Variants in DYNC1I2 observed in about 807,000 individuals in gnomAD.
DYNC1I2 encodes cytoplasmic dynein 1 intermediate chain 2.
Under a neutral mutation model 88.6 loss-of-function variants are expected in DYNC1I2, and 53 were observed. That is an observed-to-expected ratio of 0.60 (90% CI 0.48 to 0.75). The LOEUF is 0.75. DYNC1I2 is among the 30% of genes least tolerant of loss of function. The pLI, the probability that DYNC1I2 is intolerant of heterozygous loss-of-function variation, is 0.00. For missense variants in DYNC1I2, 458 were observed against 766.6 expected, an observed-to-expected ratio of 0.60 and a Z score of 4.75; for synonymous variants, 198 against 254.6, an observed-to-expected ratio of 0.78 and a Z score of 2.12.
At chr2:171,716,326 AAAT>A (rs1687491181) in intron 7 of DYNC1I2, among the ~76,000 whole-genome samples, 1 of 152,204 alleles carries the variant, frequency 6.6e-6, no homozygotes, top group African/African-American at 2.4e-5. Flanking sequence ...TAATGATTAT[AAAT>A]AGCTTTACCT....
At chr2:171,696,975 A>C (rs1574509418) in intron 3 of DYNC1I2, among the ~76,000 whole-genome samples, 1 of 151,560 alleles carries the variant, frequency 6.6e-6, no homozygotes, top group Admixed American at 6.6e-5. Flanking sequence ...TTGCATTGCT[A>C]TATGTTTTTA....
intron 15 of DYNC1I2, among the ~76,000 whole-genome samples, chr2:171,730,282 G>C (rs1054986149): frequency 1.3e-5 from 2 of 152,178 alleles, no homozygotes; most frequent in African/African-American, 4.8e-5. Flanking sequence ...AAAAGAGAGA[G>C]AGAAACTGAT....
intron 5 of DYNC1I2, among the ~76,000 whole-genome samples, chr2:171,710,544 T>C (rs572328822): frequency 6.6e-6 from 1 of 152,282 alleles, no homozygotes; most frequent in Non-Finnish European, 1.5e-5. Context: ...AGAATTTCTT[T>C]TGGGACTGGT....
chr2:171,706,637 G>C, intron 4 of DYNC1I2, 73 bp downstream of exon 4: 2 of 1,406,370 alleles, frequency 1.4e-6, no homozygotes, highest in Non-Finnish European at 2.0e-6. Flanking sequence ...ATGTCTAGAA[G>C]GCATGCTGTT....
intron 13 of DYNC1I2, 45 bp from the exon 14 acceptor site, chr2:171,728,672 A>T: frequency 6.8e-7 from 1 of 1,469,904 alleles, no homozygotes; most frequent in Non-Finnish European, 9.0e-7. Flanking sequence ...CAGAAATTTA[A>T]AATTGCAAGT....
At chr2:171,729,016 A>C (rs1459711003) in intron 14 of DYNC1I2, among the ~76,000 whole-genome samples, 166 bp downstream of exon 14, 3 of 152,174 alleles carry the variant, frequency 2.0e-5, no homozygotes, top group Non-Finnish European at 1.5e-5. Context: ...TTTGTATAAA[A>C]GATAATTTTG....
intron 10 of DYNC1I2, 65 bp downstream of exon 10, chr2:171,726,358 AT>A: frequency 8.9e-7 from 1 of 1,120,208 alleles, no homozygotes; most frequent in East Asian, 2.6e-5. Context: ...AGGTCATTTT[AT>A]TTTAATTATG....
chr2:171,702,876 C>CT (rs1207183680), intron 3 of DYNC1I2, among the ~76,000 whole-genome samples: 1 of 152,082 alleles, frequency 6.6e-6, no homozygotes, highest in Non-Finnish European at 1.5e-5. Flanking sequence ...CCATAGCCAT[C>CT]TAATTTTTTT....
At chr2:171,731,907 T>C (rs1688640277) in intron 15 of DYNC1I2, among the ~76,000 whole-genome samples, 1 of 152,236 alleles carries the variant, frequency 6.6e-6, no homozygotes, top group African/African-American at 2.4e-5. Context: ...GGATGCAGTA[T>C]GAAACCGCTC....
rs114227089 is a variant in DYNC1I2 at position 171,719,236 on chromosome 2, A to T, written c.511+3793A>T. ...TAACCCTTTGGAAATATTTATAAAA[A>T]TGAGATATTTGGGCAGTATCCTTTG... On this transcript the variant is annotated intron_variant, in intron 7 of 17. Transcript: ENST00000397119. 4.6e-3 allele frequency among the ~76,000 whole-genome samples: 693 copies of T among 152,300 alleles called. 2 individuals carry two copies. The highest frequency in any genetic ancestry group is 0.016 in the African/African-American group (651 of 41,558).
At chr2:171,743,133 T>A (rs1386421181) in intron 15 of DYNC1I2, among the ~76,000 whole-genome samples, 1 of 152,212 alleles carries the variant, frequency 6.6e-6, no homozygotes, top group African/African-American at 2.4e-5. Context: ...ATATTTTTTA[T>A]GTTATATGTA....
intron 15 of DYNC1I2, among the ~76,000 whole-genome samples, chr2:171,737,249 G>A (rs1252985011): frequency 6.6e-6 from 1 of 151,902 alleles, no homozygotes; most frequent in Non-Finnish European, 1.5e-5. Flanking sequence ...CTTTTTTTAA[G>A]GATACCAATC....
At chr2:171,728,900 C>T (rs1396583752) in intron 14 of DYNC1I2, 50 bp downstream of exon 14, 1 of 1,535,968 alleles carries the variant, frequency 6.5e-7, no homozygotes, top group Non-Finnish European at 8.8e-7. Context: ...CCTTTAATCC[C>T]ATTGAAACAA....
chr2:171,696,307 C>T (rs569767436), intron 3 of DYNC1I2, among the ~76,000 whole-genome samples: 1 of 152,214 alleles, frequency 6.6e-6, no homozygotes, highest in African/African-American at 2.4e-5. Flanking sequence ...ACTTTAAGCA[C>T]CAACATGACA....
At chr2:171,699,065 T>G (rs1303128428) in intron 3 of DYNC1I2, among the ~76,000 whole-genome samples, 6 of 152,036 alleles carry the variant, frequency 3.9e-5, no homozygotes, top group Non-Finnish European at 7.4e-5. Flanking sequence ...TCCCAGCACT[T>G]TGGGAGGCCG....
At chr2:171,712,920 G>C (rs1334329976) in intron 6 of DYNC1I2, 94 bp downstream of exon 6, 6 of 1,023,140 alleles carry the variant, frequency 5.9e-6, no homozygotes, top group Non-Finnish European at 9.1e-6. Flanking sequence ...TTATAATATT[G>C]TATCACGTAG....
At chr2:171,708,694 CTTTA>C (rs1357640408) in intron 5 of DYNC1I2, among the ~76,000 whole-genome samples, 1 of 151,152 alleles carries the variant, frequency 6.6e-6, no homozygotes, top group Non-Finnish European at 1.5e-5. Context: ...GTCATTATTC[CTTTA>C]TTTTTTATTT....
At chr2:171,743,447 T>A (rs1472292322) in intron 15 of DYNC1I2, among the ~76,000 whole-genome samples, 3 of 152,184 alleles carry the variant, frequency 2.0e-5, no homozygotes, top group Admixed American at 6.5e-5. Flanking sequence ...CCCCCTAGTT[T>A]TTGCTGCTGT....
Position 171,728,331 on chromosome 2 carries a change from T to G in DYNC1I2, c.1170T>G (p.Val390=). 1.2e-6 allele frequency: 2 copies of G among 1,604,884 alleles called. No homozygotes were observed. The highest frequency in any genetic ancestry group is 1.7e-6 in the Non-Finnish European group (2 of 1,176,818). Residue 390 remains valine (V), a synonymous_variant, in exon 13 of 18, where the codon GTT becomes GTG. Coordinates refer to ENST00000397119, the MANE Select transcript of DYNC1I2 (RefSeq NM_001378.3). ...ACCCTGTATATTGTGTAAATGTTGTTGGAACACAAAATGCTCACAATCTGA... is the reference window on the plus strand; with the variant it reads ...ACCCTGTATATTGTGTAAATGTTGTGGGAACACAAAATGCTCACAATCTGA... ...HTHPVYCVNV[V]GTQNAHNLIS...
Sources: gnomAD v4.1 joint callset for allele counts (sites outside exome capture counted in the v4.1 genomes callset) on GRCh38, gnomAD v4.1.1 for gene constraint, MANE v1.5 for transcripts, NCBI Gene and HGNC (gene_info 2026-07-23, HGNC 2026-07-21) for gene names.